ANKRD27: variants seen among roughly 807,000 people sequenced by gnomAD.
ANKRD27 encodes ankyrin repeat domain-containing protein 27.
A neutral mutation model predicts 129.7 loss-of-function variants in ANKRD27; 112 were observed. The observed-to-expected ratio is 0.86, with a 90% CI of 0.74 to 1.01. The LOEUF is 1.01. Ranked by LOEUF, ANKRD27 falls within the 50% of genes least tolerant of loss-of-function variation. ANKRD27 has a pLI of 0.00. For synonymous variants in ANKRD27, 516 were observed against 511.2 expected, an observed-to-expected ratio of 1.01 and a Z score of -0.13; for missense variants, 1,258 against 1,300.5, an observed-to-expected ratio of 0.97 and a Z score of 0.50.
intron 1 of ANKRD27, among the ~76,000 whole-genome samples, chr19:32,660,474 C>T (rs371252743): frequency 1.3e-5 from 2 of 152,122 alleles, no homozygotes; most frequent in African/African-American, 4.8e-5. Flanking sequence ...GCAGAGATCA[C>T]GCCACCGCAC....
chr19:32,609,791 T>C (rs997351997), intron 22 of ANKRD27, among the ~76,000 whole-genome samples: 1 of 151,670 alleles, frequency 6.6e-6, no homozygotes, highest in South Asian at 2.1e-4. Flanking sequence ...AATTGTATAC[T>C]TTAAATACAT....
At chr19:32,618,043 C>G (rs1015107565) in intron 20 of ANKRD27, among the ~76,000 whole-genome samples, 1 of 152,112 alleles carries the variant, frequency 6.6e-6, no homozygotes, top group African/African-American at 2.4e-5. Context: ...CAGGCGTGAG[C>G]CACCACGCCC....
At chr19:32,652,033 T>C (rs1967426822) in intron 2 of ANKRD27, among the ~76,000 whole-genome samples, 1 of 152,086 alleles carries the variant, frequency 6.6e-6, no homozygotes, top group African/African-American at 2.4e-5. Flanking sequence ...CCCACAGCAA[T>C]CCTGCTGAGA....
chr19:32,653,403 G>A (rs1442234968), intron 2 of ANKRD27, among the ~76,000 whole-genome samples: 5 of 152,014 alleles, frequency 3.3e-5, no homozygotes, highest in African/African-American at 1.2e-4. Context: ...TAGGCAAAGG[G>A]GCCAGTCTCC....
intron 22 of ANKRD27, among the ~76,000 whole-genome samples, chr19:32,608,987 C>T (rs1271195995): frequency 6.6e-6 from 1 of 152,160 alleles, no homozygotes; most frequent in Admixed American, 6.5e-5. Context: ...CCTGCCTCAG[C>T]CTCCCAAGTA....
At chr19:32,617,109 T>C (rs574630128) in intron 21 of ANKRD27, among the ~76,000 whole-genome samples, 177 of 152,228 alleles carry the variant, frequency 1.2e-3, no homozygotes, top group Non-Finnish European at 2.0e-3. Flanking sequence ...GTCAGGAAAA[T>C]ATAACAACAC....
chr19:32,631,645 C>T (rs1193338921), intron 12 of ANKRD27, 151 bp from the exon 13 acceptor site: 16 of 663,456 alleles, frequency 2.4e-5, no homozygotes, highest in Middle Eastern at 4.0e-4. Context: ...AGACGGAGGA[C>T]GGGCTGACGT....
At chr19:32,641,216 G>GAA (rs397944392) in intron 10 of ANKRD27, among the ~76,000 whole-genome samples, 6 of 143,428 alleles carry the variant, frequency 4.2e-5, no homozygotes, top group African/African-American at 1.5e-4. Flanking sequence ...TGTCTCTTAA[G>GAA]AAAAAAAAAA....
intron 2 of ANKRD27, among the ~76,000 whole-genome samples, chr19:32,657,897 C>T (rs961399781): frequency 6.6e-6 from 1 of 152,064 alleles, no homozygotes; most frequent in Admixed American, 6.6e-5. Context: ...ATCGCTTGAA[C>T]CTGGGAGACA....
intron 24 of ANKRD27, among the ~76,000 whole-genome samples, chr19:32,604,668 TC>T (rs11341994): frequency 0.19 from 29,158 of 151,942 alleles, 3,483 homozygotes; most frequent in East Asian, 0.33. Flanking sequence ...AGAAACAGGT[TC>T]AAAAAAATCA....
chr19:32,604,469 C>A, intron 24 of ANKRD27, 45 bp from the exon 25 acceptor site: 1 of 1,549,314 alleles, frequency 6.5e-7, no homozygotes, highest in South Asian at 1.2e-5. Context: ...TACGAAACGT[C>A]AGCATGGAAT....
chr19:32,598,190 A>G lies in ANKRD27; in HGVS notation c.3108T>C (p.Ala1036=). The stretch of plus-strand genomic sequence containing the variant: ...CCTCTTGGGGAGTGGAGAGGGGGCC[A>G]GCAGCCTCCGGGCCCTGGGACACGA... ...DAVVSQGPEA[A]GPLSTPQEVS... is the part of the protein sequence containing the mutation. The change falls in exon 29 of 29, where the codon GCT becomes GCC. Residue 1036 remains alanine (A), a synonymous_variant. Coordinates refer to ENST00000306065, the MANE Select transcript of ANKRD27 (RefSeq NM_032139.3). The G allele has an allele frequency of 1.9e-6, 3 of 1,614,146 alleles. No individual in the cohort carries two copies. Among genetic ancestry groups the G allele is most frequent in the Non-Finnish European group, 2.5e-6 (3 of 1,180,032 alleles).
intron 26 of ANKRD27, among the ~76,000 whole-genome samples, chr19:32,601,413 G>A (rs752035609): frequency 9.2e-5 from 14 of 151,942 alleles, no homozygotes; most frequent in Non-Finnish European, 1.9e-4. Context: ...TGGCTAACAC[G>A]GTGAAGCCCC....
chr19:32,615,841 C>T (rs1971909695), intron 21 of ANKRD27, 61 bp from the exon 22 acceptor site: 4 of 1,572,986 alleles, frequency 2.5e-6, no homozygotes, highest in South Asian at 1.2e-5. Flanking sequence ...TGCACAATAT[C>T]TTAAACACAC....
At chr19:32,672,251 CGA>C (rs2145332861) in intron 1 of ANKRD27, among the ~76,000 whole-genome samples, 1 of 152,334 alleles carries the variant, frequency 6.6e-6, no homozygotes. Flanking sequence ...AGGCGAAAAA[CGA>C]AAACTTTCTA....
rs1967175058 is a variant in ANKRD27 at position 32,640,370 on chromosome 19, A to G, written c.920T>C (p.Met307Thr). 3.7e-6 allele frequency: 6 copies of G among 1,613,842 alleles called. No individual in the cohort carries two copies. Among genetic ancestry groups the G allele is most frequent in the Non-Finnish European group, 5.1e-6 (6 of 1,179,856 alleles). The change falls in exon 11 of 29, where the codon ATG becomes ACG. Residue 307 changes from methionine (M) to threonine (T), a missense_variant. Coordinates refer to ENST00000306065, the MANE Select transcript of ANKRD27 (RefSeq NM_032139.3). ...SPSQRVNLET[M>T]CADDLLSVLL... ...GACTGATAGCAGATCATCAGCACAC[A>G]TGGTCTCCAGGTTCACTGCAAAGGG...
At chr19:32,644,240 A>G in intron 5 of ANKRD27, 85 bp downstream of exon 5, 2 of 1,442,602 alleles carry the variant, frequency 1.4e-6, no homozygotes. Context: ...AGCACCAGGC[A>G]GTTCCAGAGG....
At chr19:32,607,524 G>C (rs1599734870) in intron 23 of ANKRD27, 111 bp downstream of exon 23, 1 of 1,294,584 alleles carries the variant, frequency 7.7e-7, no homozygotes, top group East Asian at 2.5e-5. Context: ...GGGCTCGGGG[G>C]AGCAGTGTCC....
At chr19:32,634,789 C>T (rs1268598267) in intron 12 of ANKRD27, among the ~76,000 whole-genome samples, 1 of 152,136 alleles carries the variant, frequency 6.6e-6, no homozygotes, top group African/African-American at 2.4e-5. Context: ...GTGGTGCGTG[C>T]CTGTAGTCCC....
Sources: gnomAD v4.1 joint callset for allele counts (sites outside exome capture counted in the v4.1 genomes callset) on GRCh38, gnomAD v4.1.1 for gene constraint, MANE v1.5 for transcripts, NCBI Gene and HGNC (gene_info 2026-07-23, HGNC 2026-07-21) for gene names.